LYPLAL1: variants seen among roughly 807,000 people sequenced by gnomAD.
The protein encoded by LYPLAL1 is lysophospholipase-like protein 1.
Under a neutral mutation model 19.7 loss-of-function variants are expected in LYPLAL1, and 23 were observed. The observed-to-expected ratio is 1.17, with a 90% CI of 0.84 to 1.65. The LOEUF (loss-of-function observed/expected upper bound fraction) is 1.65, where lower values mean the gene tolerates loss of function less well. Ranked by LOEUF, LYPLAL1 falls within the 40% of genes most tolerant of loss-of-function variation. The pLI is 0.00. For synonymous variants in LYPLAL1, 119 were observed against 96.3 expected, an observed-to-expected ratio of 1.24 and a Z score of -1.38; for missense variants, 355 against 279.4, an observed-to-expected ratio of 1.27 and a Z score of -1.93.
the LYPLAL1 span, among the ~76,000 whole-genome samples, chr1:219,279,925 G>C: frequency 6.6e-6 from 1 of 150,448 alleles, no homozygotes; most frequent in Middle Eastern, 3.4e-3. Flanking sequence ...CAGAAAAGGA[G>C]AAAAAAAAAT....
chr1:219,335,664 G>C, the LYPLAL1 span, among the ~76,000 whole-genome samples: 2 of 151,764 alleles, frequency 1.3e-5, no homozygotes, highest in Non-Finnish European at 2.9e-5. Context: ...CTCCTTCATG[G>C]TAAAATAATT....
At chr1:219,326,159 C>T in the LYPLAL1 span, among the ~76,000 whole-genome samples, 1 of 152,222 alleles carries the variant, frequency 6.6e-6, no homozygotes, top group Admixed American at 6.5e-5. Flanking sequence ...GGTGACCCGC[C>T]TGCCTCGGCC....
At chr1:219,394,156 G>A in the LYPLAL1 span, among the ~76,000 whole-genome samples, 2 of 152,086 alleles carry the variant, frequency 1.3e-5, no homozygotes, top group Non-Finnish European at 2.9e-5. Flanking sequence ...AGTAACATGA[G>A]ATATGAGGAT....
At chr1:219,204,160 A>G (rs182679611) in intron 3 of LYPLAL1, among the ~76,000 whole-genome samples, 2 of 152,252 alleles carry the variant, frequency 1.3e-5, no homozygotes, top group Non-Finnish European at 2.9e-5. Context: ...TTTAAAATTT[A>G]TTTTTGTATA....
chr1:219,192,201 C>G (rs1267508917), intron 2 of LYPLAL1, among the ~76,000 whole-genome samples: 2 of 151,666 alleles, frequency 1.3e-5, no homozygotes, highest in Admixed American at 1.3e-4. Flanking sequence ...AGAAGAAGTA[C>G]AAAAGCATGT....
chr1:219,435,949 A>G, the LYPLAL1 span, among the ~76,000 whole-genome samples: 2 of 152,224 alleles, frequency 1.3e-5, no homozygotes, highest in Non-Finnish European at 2.9e-5. Context: ...CACAGTCTGC[A>G]CCAGAATGCA....
the LYPLAL1 span, among the ~76,000 whole-genome samples, chr1:219,411,276 G>GA: frequency 2.6e-3 from 399 of 150,852 alleles, 1 homozygote; most frequent in African/African-American, 9.3e-3. Context: ...TCTAGCTCAG[G>GA]GATTGTAAAG....
the LYPLAL1 span, among the ~76,000 whole-genome samples, chr1:219,420,621 A>G: frequency 6.6e-6 from 1 of 151,950 alleles, no homozygotes; most frequent in Non-Finnish European, 1.5e-5. Flanking sequence ...TTCTCCAGTG[A>G]CTTGTTTTAT....
At chr1:219,332,739 A>G in the LYPLAL1 span, among the ~76,000 whole-genome samples, 1 of 4,956 alleles carries the variant, frequency 2.0e-4, no homozygotes, top group Admixed American at 3.3e-3. Flanking sequence ...TTGCAACTAA[A>G]TGTTTTTTTT....
At chr1:219,320,851 T>A in the LYPLAL1 span, among the ~76,000 whole-genome samples, 1 of 152,248 alleles carries the variant, frequency 6.6e-6, no homozygotes, top group Non-Finnish European at 1.5e-5. Context: ...TGATGGGCAC[T>A]TGGGTTGGTT....
At chr1:219,279,206 CTA>C in the LYPLAL1 span, among the ~76,000 whole-genome samples, 1 of 152,142 alleles carries the variant, frequency 6.6e-6, no homozygotes, top group African/African-American at 2.4e-5. Context: ...AATATTCTGA[CTA>C]TGTGGGAAGA....
chr1:219,220,291 C>G, the LYPLAL1 span, among the ~76,000 whole-genome samples: 3 of 152,128 alleles, frequency 2.0e-5, no homozygotes, highest in South Asian at 2.1e-4. Flanking sequence ...GATCTAAGAT[C>G]TTGTCAGTGC....
chr1:219,295,285 C>T, the LYPLAL1 span, among the ~76,000 whole-genome samples: 2 of 152,124 alleles, frequency 1.3e-5, no homozygotes, highest in Non-Finnish European at 2.9e-5. Context: ...CCATTGAGAA[C>T]CATGGAGCTG....
the LYPLAL1 span, among the ~76,000 whole-genome samples, chr1:219,260,568 G>A: frequency 2.7e-5 from 4 of 150,078 alleles, no homozygotes; most frequent in Non-Finnish European, 4.4e-5. Context: ...AAAAAATATT[G>A]AATATTGATA....
intron 4 of LYPLAL1, among the ~76,000 whole-genome samples, chr1:219,210,979 T>C (rs1310187423): frequency 6.6e-6 from 1 of 152,146 alleles, no homozygotes; most frequent in Non-Finnish European, 1.5e-5. Context: ...GCTTATTGCA[T>C]CATGAACATA....
the LYPLAL1 span, among the ~76,000 whole-genome samples, chr1:219,226,736 T>C: frequency 1.3e-5 from 2 of 152,242 alleles, no homozygotes; most frequent in African/African-American, 4.8e-5. Context: ...AGTTAATATT[T>C]ATTGCCAAAC....
the LYPLAL1 span, among the ~76,000 whole-genome samples, chr1:219,354,567 C>T: frequency 6.6e-6 from 1 of 152,062 alleles, no homozygotes; most frequent in Non-Finnish European, 1.5e-5. Context: ...CAATGTATAA[C>T]CAAAGCAAAC....
At chr1:219,374,573 A>T in the LYPLAL1 span, among the ~76,000 whole-genome samples, 10 of 152,058 alleles carry the variant, frequency 6.6e-5, no homozygotes, top group South Asian at 2.1e-3. Context: ...AAAAATCACT[A>T]GATACTGACT....
At chr1:219,332,317 T>C in the LYPLAL1 span, among the ~76,000 whole-genome samples, 4 of 152,138 alleles carry the variant, frequency 2.6e-5, no homozygotes, top group African/African-American at 9.6e-5. Flanking sequence ...TGAGTTGTTT[T>C]AGTCAACCCC....
Sources: gnomAD v4.1 joint callset for allele counts (sites outside exome capture counted in the v4.1 genomes callset) on GRCh38, gnomAD v4.1.1 for gene constraint, MANE v1.5 for transcripts, NCBI Gene and HGNC (gene_info 2026-07-23, HGNC 2026-07-21) for gene names.